The following STPG1 variants were observed in gnomAD, a reference collection of about 807,000 sequenced individuals.
STPG1 encodes the protein sperm tail PG-rich repeat containing 1.
Under a neutral mutation model 40.1 loss-of-function variants are expected in STPG1, and 33 were observed. The ratio of observed to expected loss-of-function variants is 0.82; its 90% CI spans 0.62 to 1.10. The LOEUF is 1.10. Ranked by LOEUF, STPG1 falls within the 50% of genes least tolerant of loss-of-function variation. STPG1 has a pLI of 0.00. For synonymous variants in STPG1, 150 were observed against 155.0 expected, an observed-to-expected ratio of 0.97 and a Z score of 0.24; for missense variants, 396 against 415.1, an observed-to-expected ratio of 0.95 and a Z score of 0.40.
At chr1:24,367,421 G>A (rs1313675398) in intron 7 of STPG1, among the ~76,000 whole-genome samples, 1 of 152,146 alleles carries the variant, frequency 6.6e-6, no homozygotes, top group African/African-American at 2.4e-5. Flanking sequence ...TGGGCTGGGG[G>A]CTTGAGCTGC....
rs1321775703 is a variant in STPG1, at chr1:24,358,391, A to T, written c.*152T>A. 1.4e-6 allele frequency: 1 copy of T among 740,396 alleles called. No individual in the cohort carries two copies. The highest frequency in any genetic ancestry group is 1.4e-5 in the South Asian group (1 of 69,158). The allele number at this position is 740,396 out of a possible 1,614,324, so 45.9% of individuals were successfully genotyped here. A position where few individuals can be genotyped will look rare whatever the true frequency, so the allele number is the denominator to read the frequency against. ...AGCTCAAGACAAAGGCAATGGCAGC[A>T]GTCCGGCTAGGATGCCAGGCCAGAG... On this transcript the variant is annotated 3_prime_UTR_variant, in exon 9 of 9. Transcript: ENST00000337248.
Position 24,359,635 on chromosome 1 carries a change from G to A in STPG1, c.929-1016C>T, listed in dbSNP as rs1640963344. On this transcript the variant is annotated intron_variant, in intron 8 of 8. Coordinates refer to ENST00000337248, the MANE Select transcript of STPG1 (RefSeq NM_001199013.2). The surrounding 1 kb of genome is among the most constrained non-coding windows in gnomAD (Gnocchi z 5.3). ...TGTGGCCTCTGGGGGCAAACCTGGG[G>A]CCCAGGTCATCTTGGCTCCCTCGCA... Among the ~76,000 whole-genome samples, 1 of 152,266 alleles carries A rather than the reference G, an allele frequency of 6.6e-6. No homozygotes were observed. Among genetic ancestry groups the A allele is most frequent in the South Asian group, 2.1e-4 (1 of 4,818 alleles).
intron 6 of STPG1, among the ~76,000 whole-genome samples, chr1:24,372,582 T>C (rs1641804989): frequency 6.6e-6 from 1 of 152,204 alleles, no homozygotes; most frequent in Non-Finnish European, 1.5e-5. Context: ...TGTTCTTCTG[T>C]ATAAATAGAC....
At chr1:24,401,294 C>A (rs1355391600) in intron 2 of STPG1, 25 bp downstream of exon 2, 1 of 1,610,518 alleles carries the variant, frequency 6.2e-7, no homozygotes, top group East Asian at 2.2e-5. Flanking sequence ...CAGGAGCTAT[C>A]TCCTCCCTGC....
rs377750621 is a variant in STPG1 at position 24,358,510 on chromosome 1, G to C, written c.*33C>G. 12 of 1,568,096 alleles carry C rather than the reference G, an allele frequency of 7.7e-6. No individual in the cohort carries two copies. In the African/African-American group the frequency reaches 1.5e-4, roughly 19 times the overall value. ...GGGACGCTGGGCAGGGTGGGCTGGT[G>C]GCTGGAGTTCTCCTTGACCTTGTGT... On this transcript the variant is annotated 3_prime_UTR_variant, in exon 9 of 9. Coordinates refer to ENST00000337248, the MANE Select transcript of STPG1 (RefSeq NM_001199013.2).
chr1:24,395,552 C>G (rs1236793728), intron 2 of STPG1, among the ~76,000 whole-genome samples: 1 of 151,350 alleles, frequency 6.6e-6, no homozygotes, highest in Admixed American at 6.6e-5. Context: ...CCTGCCTCAG[C>G]CTCCCGAGTA....
chr1:24,364,221 C>T (rs1248390232), intron 7 of STPG1: 5 of 1,541,788 alleles, frequency 3.2e-6, no homozygotes, highest in Non-Finnish European at 3.5e-6. Flanking sequence ...TGTCTCGCCA[C>T]CCCCCACCTG....
intron 1 of STPG1, among the ~76,000 whole-genome samples, chr1:24,409,403 T>A (rs1282193556): frequency 1.3e-5 from 2 of 152,150 alleles, no homozygotes. Context: ...CACCCCTCAG[T>A]GTTATACCAT....
intron 1 of STPG1, among the ~76,000 whole-genome samples, chr1:24,408,247 A>G (rs1570108228): frequency 6.6e-6 from 1 of 152,334 alleles, no homozygotes; most frequent in East Asian, 1.9e-4. Context: ...ACTCTACCCA[A>G]TTCCTATCTA....
intron 7 of STPG1, among the ~76,000 whole-genome samples, chr1:24,366,389 A>G (rs929761294): frequency 1.3e-5 from 2 of 152,248 alleles, no homozygotes; most frequent in Non-Finnish European, 1.5e-5. Flanking sequence ...CCAGGGACAC[A>G]GGAGAAAACA....
chr1:24,407,802 T>C (rs987388752), intron 1 of STPG1, among the ~76,000 whole-genome samples: 1 of 152,198 alleles, frequency 6.6e-6, no homozygotes, highest in African/African-American at 2.4e-5. Flanking sequence ...ATTTCAAATA[T>C]TGTATTTTTT....
At position 24,401,344 on chromosome 1, in the gene STPG1, G is replaced by A; in HGVS notation, c.45C>T (p.Pro15=). ...CTTTCTGTACTTCACTGGCACGTCTGGGATGTTTGCCAGTGCGTTCATTTT... is the reference window on the plus strand; with the variant it reads ...CTTTCTGTACTTCACTGGCACGTCTAGGATGTTTGCCAGTGCGTTCATTTT... ...AQKNERTGKH[P]RRASEVQKGF... The change falls in exon 2 of 9, where the codon CCC becomes CCT. Residue 15 remains proline (P), a synonymous_variant. Coordinates refer to ENST00000337248, the MANE Select transcript of STPG1 (RefSeq NM_001199013.2). 6.2e-7 allele frequency: 1 copy of A among 1,614,086 alleles called. No individual in the cohort carries two copies. Among genetic ancestry groups the A allele is most frequent in the Non-Finnish European group, 8.5e-7 (1 of 1,179,948 alleles).
At chr1:24,414,035 C>T (rs973277178), upstream of STPG1, 2 of 152,174 alleles carry the variant, frequency 1.3e-5, no homozygotes, top group East Asian at 3.9e-4. Flanking sequence ...AATTAACATT[C>T]ATCCAAGCCC....
chr1:24,361,951 G>A (rs554860557), intron 7 of STPG1, among the ~76,000 whole-genome samples: 6 of 152,234 alleles, frequency 3.9e-5, no homozygotes, highest in African/African-American at 9.6e-5. Flanking sequence ...AGACTTCTGC[G>A]CTTGTTACAG....
rs532354295 is a variant in STPG1, at chr1:24,411,104, T to A, written c.-69+2570A>T. Among the ~76,000 whole-genome samples the A allele has an allele frequency of 2.6e-5, 4 of 152,334 alleles. No individual in the cohort carries two copies. The South Asian group carries it at 8.3e-4, about 32-fold the overall frequency. On this transcript the variant is annotated intron_variant, in intron 1 of 8. Coordinates refer to ENST00000337248, the MANE Select transcript of STPG1 (RefSeq NM_001199013.2). ...CTTGTATTAATGTAGGGTTTTAATA[T>A]ACGCACAGGGATATCGTATTAACAA...
At chr1:24,390,715 G>A (rs896340259) in intron 3 of STPG1, among the ~76,000 whole-genome samples, 1 of 151,746 alleles carries the variant, frequency 6.6e-6, no homozygotes, top group Non-Finnish European at 1.5e-5. Flanking sequence ...CACTGCACCC[G>A]GCTAATAACA....
chr1:24,374,213 G>A (rs1641895155), intron 5 of STPG1, among the ~76,000 whole-genome samples: 1 of 151,322 alleles, frequency 6.6e-6, no homozygotes, highest in Non-Finnish European at 1.5e-5. Context: ...GGGAGTGGGG[G>A]TGGCCCAGCA....
chr1:24,402,593 C>G (rs1643267003), intron 1 of STPG1, among the ~76,000 whole-genome samples: 1 of 151,842 alleles, frequency 6.6e-6, no homozygotes, highest in Non-Finnish European at 1.5e-5. Context: ...GAGACCCCAT[C>G]TCTACGAAAA....
chr1:24,395,847 G>A lies in STPG1; in HGVS notation c.71-4168C>T, dbSNP rs1642978196. Among the ~76,000 whole-genome samples the A allele has an allele frequency of 2.0e-5, 3 of 152,054 alleles. No individual in the cohort carries two copies. In the South Asian group the frequency reaches 6.2e-4, roughly 32 times the overall value. On this transcript the variant is annotated intron_variant, in intron 2 of 8. Transcript: ENST00000337248. The stretch of plus-strand genomic sequence containing the variant: ...CTCCTCACCAAATTAGCCAGGCATG[G>A]TGGCAGGTGCCTGTAATCCCAGCTA...
Sources: allele counts gnomAD v4.1 joint callset (sites outside exome capture counted in the v4.1 genomes callset), GRCh38; gene constraint gnomAD v4.1.1; non-coding constraint Gnocchi (gnomAD v3.1); transcripts MANE v1.5; gene names NCBI Gene and HGNC (gene_info 2026-07-23, HGNC 2026-07-21).